CPNE4: variants seen among roughly 807,000 people sequenced by gnomAD.
CPNE4 encodes the protein copine-4.
CPNE4 carries 25 observed loss-of-function variants against 67.9 expected under a neutral mutation model. That is an observed-to-expected ratio of 0.37 (90% CI 0.27 to 0.51). The LOEUF (loss-of-function observed/expected upper bound fraction) is 0.51. Ranked by LOEUF, CPNE4 falls within the 20% of genes least tolerant of loss-of-function variation. CPNE4 has a pLI of 0.93. For synonymous variants in CPNE4, 242 were observed against 244.9 expected, an observed-to-expected ratio of 0.99 and a Z score of 0.11; for missense variants, 464 against 690.8, an observed-to-expected ratio of 0.67 and a Z score of 3.68.
intron 1 of CPNE4, among the ~76,000 whole-genome samples, chr3:131,997,870 G>A (rs1448233291): frequency 6.6e-6 from 1 of 152,138 alleles, no homozygotes; most frequent in African/African-American, 2.4e-5. Flanking sequence ...TTTTTGAGTC[G>A]GAGAGTGGCA....
intron 2 of CPNE4, among the ~76,000 whole-genome samples, chr3:131,779,474 G>GA (rs891859408): frequency 1.3e-5 from 2 of 151,598 alleles, no homozygotes; most frequent in African/African-American, 2.4e-5. Context: ...GGTACTCGTA[G>GA]AAAAAAAAGA....
intron 2 of CPNE4, among the ~76,000 whole-genome samples, chr3:131,887,214 T>C (rs974007493): frequency 2.6e-5 from 4 of 152,216 alleles, no homozygotes; most frequent in Non-Finnish European, 2.9e-5. Context: ...CAAGATCTGA[T>C]GGTTTTATCT....
At chr3:131,733,387 T>C (rs2082169441) in intron 2 of CPNE4, among the ~76,000 whole-genome samples, 2 of 152,228 alleles carry the variant, frequency 1.3e-5, no homozygotes, top group Non-Finnish European at 2.9e-5. Context: ...TTGTTATATT[T>C]TGCTCTTTAA....
At chr3:131,556,454 G>T (rs1385647797) in intron 11 of CPNE4, among the ~76,000 whole-genome samples, 1 of 152,022 alleles carries the variant, frequency 6.6e-6, no homozygotes, top group Non-Finnish European at 1.5e-5. Context: ...ATGACTCATT[G>T]TGCCCACCAC....
chr3:131,827,617 CA>C (rs1483303807), intron 2 of CPNE4, among the ~76,000 whole-genome samples: 5 of 152,046 alleles, frequency 3.3e-5, no homozygotes, highest in African/African-American at 1.2e-4. Context: ...ATTTTTACCA[CA>C]ATGGCTGTTA....
At chr3:131,564,452 G>C in intron 10 of CPNE4, 103 bp from the exon 11 acceptor site, 1 of 996,694 alleles carries the variant, frequency 1.0e-6, no homozygotes, top group Non-Finnish European at 1.5e-6. Flanking sequence ...AAAAACAGTA[G>C]CACATTACAT....
chr3:131,666,138 T>C (rs1443519610), intron 7 of CPNE4, among the ~76,000 whole-genome samples: 3 of 152,120 alleles, frequency 2.0e-5, no homozygotes, highest in African/African-American at 4.8e-5. Context: ...AAACGTAGCA[T>C]ACAAAATATG....
chr3:131,946,950 G>A (rs2107873703), intron 1 of CPNE4, among the ~76,000 whole-genome samples: 1 of 152,242 alleles, frequency 6.6e-6, no homozygotes, highest in South Asian at 2.1e-4. Context: ...ACCATTTGTT[G>A]AAGAGTCTAG....
chr3:131,631,372 T>C (rs1362472104), intron 7 of CPNE4, among the ~76,000 whole-genome samples: 1 of 152,172 alleles, frequency 6.6e-6, no homozygotes, highest in East Asian at 1.9e-4. Context: ...TTGTATATAG[T>C]AGTTTTATGT....
intron 2 of CPNE4, among the ~76,000 whole-genome samples, chr3:131,826,360 TA>T (rs891420380): frequency 1.1e-3 from 170 of 150,630 alleles, no homozygotes; most frequent in African/African-American, 3.8e-3. Flanking sequence ...CCTGGTTAAT[TA>T]AAAAAAAAAT....
intron 7 of CPNE4, among the ~76,000 whole-genome samples, chr3:131,650,126 G>GGC (rs147185876): frequency 0.22 from 32,959 of 152,002 alleles, 4,163 homozygotes; most frequent in African/African-American, 0.35. Flanking sequence ...CTTTTAAAGG[G>GGC]CATATCTGAT....
chr3:131,673,924 A>G (rs769370134), intron 6 of CPNE4, among the ~76,000 whole-genome samples: 39 of 152,064 alleles, frequency 2.6e-4, no homozygotes, highest in Non-Finnish European at 4.6e-4. Context: ...GTTTTTCCCA[A>G]TTCAGCATGA....
intron 2 of CPNE4, among the ~76,000 whole-genome samples, chr3:131,825,270 G>A (rs111738164): frequency 0.031 from 4,791 of 152,126 alleles, 180 homozygotes; most frequent in South Asian, 0.094. Context: ...GGCTGAGGTG[G>A]GTGGATCATG....
intron 7 of CPNE4, among the ~76,000 whole-genome samples, chr3:131,629,746 A>C (rs781099609): frequency 3.9e-5 from 6 of 152,292 alleles, no homozygotes; most frequent in Non-Finnish European, 7.3e-5. Context: ...TGCCTGGTCA[A>C]TAGTGTAAAT....
intron 1 of CPNE4, among the ~76,000 whole-genome samples, chr3:131,986,843 C>CAAAAAAAAAAAAAA (rs373656375): frequency 1.1e-5 from 1 of 92,088 alleles, no homozygotes; most frequent in Non-Finnish European, 2.3e-5. Flanking sequence ...AAAAAAAAAA[C>CAAAAAAAAAAAAAA]AAAAAAAAAC....
At chr3:131,972,376 T>A (rs1190273963) in intron 1 of CPNE4, among the ~76,000 whole-genome samples, 1 of 151,984 alleles carries the variant, frequency 6.6e-6, no homozygotes, top group Non-Finnish European at 1.5e-5. Context: ...ACAAGCAGAG[T>A]TTCTTTGTAT....
chr3:131,864,973 T>C (rs1288313832), intron 2 of CPNE4, among the ~76,000 whole-genome samples: 1 of 152,202 alleles, frequency 6.6e-6, no homozygotes, highest in African/African-American at 2.4e-5. Flanking sequence ...ATCGTGGTTT[T>C]CGTCGTTGGT....
chr3:132,019,729 G>A (rs1458178322), intron 1 of CPNE4, among the ~76,000 whole-genome samples: 4 of 152,156 alleles, frequency 2.6e-5, no homozygotes, highest in African/African-American at 9.7e-5. Flanking sequence ...AGATCAAAAA[G>A]CAATCCCTCT....
chr3:131,872,195 TAG>T (rs201339189), intron 2 of CPNE4, among the ~76,000 whole-genome samples: 5 of 150,318 alleles, frequency 3.3e-5, no homozygotes, highest in Non-Finnish European at 5.9e-5. Flanking sequence ...TGTGTGTGTG[TAG>T]AGAGAGAGAG....
Sources: allele counts gnomAD v4.1 joint callset (sites outside exome capture counted in the v4.1 genomes callset), GRCh38; gene constraint gnomAD v4.1.1; transcripts MANE v1.5; gene names NCBI Gene and HGNC (gene_info 2026-07-23, HGNC 2026-07-21).